The following MTERF4 variants were observed in gnomAD, a reference collection of about 807,000 sequenced individuals.
MTERF4 encodes the protein mitochondrial transcription termination factor 4.
A neutral mutation model predicts 22.5 loss-of-function variants in MTERF4; 17 were observed. The observed-to-expected ratio is 0.75, with a 90% CI of 0.52 to 1.13. The LOEUF is 1.13. Ranked by LOEUF, MTERF4 falls within the 50% of genes most tolerant of loss-of-function variation. MTERF4 has a pLI of 0.00. For synonymous variants in MTERF4, 165 were observed against 175.3 expected, an observed-to-expected ratio of 0.94 and a Z score of 0.47; for missense variants, 420 against 466.8, an observed-to-expected ratio of 0.90 and a Z score of 0.92.
At chr2:241,053,354 C>T in the MTERF4 span, 1 of 1,537,548 alleles carries the variant, frequency 6.5e-7, no homozygotes, top group Non-Finnish European at 8.8e-7. Context: ...TGGGGTGGGG[C>T]AGGTGGGGCC....
At chr2:241,048,159 G>A in the MTERF4 span, among the ~76,000 whole-genome samples, 2 of 152,260 alleles carry the variant, frequency 1.3e-5, no homozygotes, top group Admixed American at 6.5e-5. Flanking sequence ...GTGCAGCGCA[G>A]CTACAAATCC....
At chr2:241,044,139 G>GA in the MTERF4 span, among the ~76,000 whole-genome samples, 5 of 151,868 alleles carry the variant, frequency 3.3e-5, no homozygotes, top group African/African-American at 1.2e-4. Context: ...AGGAAGAGAG[G>GA]AAAAAAAGAA....
the MTERF4 span, chr2:241,048,873 G>T: frequency 8.3e-7 from 1 of 1,201,368 alleles, no homozygotes; most frequent in South Asian, 1.4e-5. Flanking sequence ...TCGACCATTG[G>T]TTCTACCCCC....
Position 241,096,394 on chromosome 2 carries a change from C to CTTTA in MTERF4, c.746_749dup (p.Lys250AsnfsTer4). On this transcript the variant is annotated frameshift_variant, in exon 4 of 4. Coordinates refer to ENST00000391980, the MANE Select transcript of MTERF4 (RefSeq NM_182501.4). LOFTEE classifies it low-confidence loss of function (END_TRUNC). The surrounding 1 kb of genome is among the most constrained non-coding windows in gnomAD (Gnocchi z 5.1). The stretch of plus-strand genomic sequence containing the variant: ...TTAGTGAATACTGCAAGTACTCACT[C>CTTTA]TTTACAATGTCTGGATGCTTAATTC... 3 of 1,614,182 alleles carry CTTTA rather than the reference C, an allele frequency of 1.9e-6. No individual in the cohort carries two copies. The highest frequency in any genetic ancestry group is 2.5e-6 in the Non-Finnish European group (3 of 1,180,044).
chr2:241,081,615 G>T, intron 4 of MTERF4: 1 of 1,236,068 alleles, frequency 8.1e-7, no homozygotes, highest in Non-Finnish European at 1.2e-6. Context: ...ACAGCAACAT[G>T]TCCATGAGGC....
chr2:241,047,174 A>C, the MTERF4 span, among the ~76,000 whole-genome samples: 1 of 54,398 alleles, frequency 1.8e-5, no homozygotes, highest in Non-Finnish European at 3.3e-5. Context: ...AAAAAAGTAA[A>C]TTAGGTAAAC....
the MTERF4 span, among the ~76,000 whole-genome samples, chr2:241,066,946 C>G: frequency 6.6e-6 from 1 of 152,230 alleles, no homozygotes; most frequent in Non-Finnish European, 1.5e-5. Flanking sequence ...ACAGAGCACA[C>G]CTCGGCCAGT....
chr2:241,101,649 G>A lies in MTERF4; in HGVS notation c.21+604C>T, dbSNP rs1020859023. 9.9e-5 allele frequency among the ~76,000 whole-genome samples: 15 copies of A among 152,264 alleles called. 1 individual carries two copies. ...ACACCTGGCAGTCGCTGGGGTCAGC[G>A]GGCGCGGCCCGTGGAACTGGGCTCA... On this transcript the variant is annotated intron_variant, in intron 1 of 3. Transcript: ENST00000391980.
At chr2:241,055,102 G>A in the MTERF4 span, among the ~76,000 whole-genome samples, 2 of 150,932 alleles carry the variant, frequency 1.3e-5, no homozygotes, top group Non-Finnish European at 2.9e-5. Flanking sequence ...GGGTGATAGA[G>A]TAAGACTCTG....
the MTERF4 span, among the ~76,000 whole-genome samples, chr2:241,059,817 A>T: frequency 6.6e-6 from 1 of 152,234 alleles, no homozygotes; most frequent in Non-Finnish European, 1.5e-5. Flanking sequence ...CAGTGTACTC[A>T]GTGGTGAAAG....
the MTERF4 span, among the ~76,000 whole-genome samples, chr2:241,050,954 C>T: frequency 2.6e-5 from 4 of 152,240 alleles, no homozygotes; most frequent in Admixed American, 6.5e-5. Context: ...TCCCAGCTTC[C>T]GTGAGCACAC....
chr2:241,095,657 T>G lies in MTERF4; in HGVS notation c.*341A>C. 1 of 252,548 alleles carries G rather than the reference T, an allele frequency of 4.0e-6. No homozygotes were observed. Among genetic ancestry groups the G allele is most frequent in the Non-Finnish European group, 7.6e-6 (1 of 131,408 alleles). 15.6% of individuals were successfully genotyped at this position (252,548 alleles called of 1,614,324 possible). On this transcript the variant is annotated 3_prime_UTR_variant, in exon 4 of 4. Coordinates refer to ENST00000391980, the MANE Select transcript of MTERF4 (RefSeq NM_182501.4). ...AAGAATGAACCCCATCTTCCAACTGTCACGGAATTATCACCAACATATTCA... is the reference window on the plus strand; with the variant it reads ...AAGAATGAACCCCATCTTCCAACTGGCACGGAATTATCACCAACATATTCA...
chr2:241,048,614 A>C, the MTERF4 span: 10 of 1,544,336 alleles, frequency 6.5e-6, no homozygotes, highest in South Asian at 1.2e-4. Context: ...CGAGGGTGCC[A>C]TCTTTCTGCG....
chr2:241,068,664 C>T (rs1183206754), downstream of MTERF4, among the ~76,000 whole-genome samples: 1 of 152,020 alleles, frequency 6.6e-6, no homozygotes, highest in Non-Finnish European at 1.5e-5. The surrounding 1 kb of genome is among the most constrained non-coding windows in gnomAD (Gnocchi z 5.3). Context: ...GGCCCTCTGA[C>T]CATACTGTAG....
At chr2:241,087,803 G>A (rs1251918854), downstream of MTERF4, 2 of 793,822 alleles carry the variant, frequency 2.5e-6, no homozygotes, top group Non-Finnish European at 3.5e-6. Flanking sequence ...CCGATATAGC[G>A]CGTCGCTCTT....
At chr2:241,072,529 C>T (rs544823060) in exon 5 of MTERF4, 1 of 330,686 alleles carries the variant, frequency 3.0e-6, no homozygotes, top group South Asian at 2.4e-5. Context: ...AACTCCCCAA[C>T]AGAGCCTAGT....
chr2:241,063,419 G>T, the MTERF4 span: 1 of 632,626 alleles, frequency 1.6e-6, no homozygotes, highest in Admixed American at 2.3e-5. Flanking sequence ...CACGCCTCCC[G>T]AGGAGGGGTG....
the MTERF4 span, among the ~76,000 whole-genome samples, chr2:241,047,013 C>T: frequency 6.6e-5 from 10 of 151,798 alleles, no homozygotes; most frequent in East Asian, 1.9e-4. Flanking sequence ...TGTGGTAGCA[C>T]GTGCTTATAA....
chr2:241,090,101 A>AT (rs1167953322), downstream of MTERF4: 1 of 1,500,694 alleles, frequency 6.7e-7, no homozygotes, highest in Non-Finnish European at 8.9e-7. Flanking sequence ...TACATTTTTA[A>AT]TTTTTACTTT....
Sources: gnomAD v4.1 joint callset for allele counts (sites outside exome capture counted in the v4.1 genomes callset) on GRCh38, gnomAD v4.1.1 for gene constraint, Gnocchi (gnomAD v3.1) non-coding constraint, MANE v1.5 for transcripts, NCBI Gene and HGNC (gene_info 2026-07-23, HGNC 2026-07-21) for gene names.